Variants in DTD1 observed in about 807,000 individuals in gnomAD.
DTD1 encodes D-aminoacyl-tRNA deacylase 1, also known as D-tyrosyl-tRNA deacylase 1 homolog.
A neutral mutation model predicts 25.6 loss-of-function variants in DTD1; 13 were observed. The observed-to-expected ratio is 0.51, with a 90% confidence interval of 0.33 to 0.81. The LOEUF is 0.81. Ranked by LOEUF, DTD1 falls within the 30% of genes least tolerant of loss-of-function variation. The pLI is 0.02. For missense variants in DTD1, 193 were observed against 266.4 expected (o/e 0.72, Z 1.92); for synonymous variants, 110 against 103.6 (o/e 1.06, Z -0.37).
rs2060835709 is a variant in DTD1, at chr20:18,643,019, G to A, written c.477+14786G>A. On this transcript the variant is annotated intron_variant, in intron 4 of 5. Transcript: ENST00000377452. The stretch of plus-strand genomic sequence containing the variant: ...CAACCTCTGCCTCTTGGGTTCAAGA[G>A]ATTCTCCCGCCTCAGCCTCCCCAGT... 3 of 157,746 alleles carry A rather than the reference G, an allele frequency of 1.9e-5. No individual in the cohort carries two copies. The South Asian group carries it at 5.3e-4, about 28-fold the overall frequency. 9.8% of individuals were successfully genotyped at this position (157,746 alleles called of 1,614,324 possible).
At chr20:18,665,386 C>G (rs762892578) in intron 4 of DTD1, among the ~76,000 whole-genome samples, 5 of 152,242 alleles carry the variant, frequency 3.3e-5, no homozygotes, top group Non-Finnish European at 1.5e-5. Flanking sequence ...CTGGGATCAG[C>G]CCCGGCTCTG....
intron 4 of DTD1, among the ~76,000 whole-genome samples, chr20:18,629,295 C>CATTT (rs1568651799): frequency 1.4e-5 from 1 of 69,870 alleles, no homozygotes; most frequent in African/African-American, 4.4e-5. Flanking sequence ...CTGTGCTCGG[C>CATTT]CTTTTTTTTT....
chr20:18,683,211 G>C (rs115658933), intron 4 of DTD1, among the ~76,000 whole-genome samples: 9 of 152,280 alleles, frequency 5.9e-5, no homozygotes, highest in African/African-American at 2.2e-4. Context: ...AGCTTTTCAG[G>C]TGGTTCCAAA....
At chr20:18,708,443 C>T (rs2061144841) in intron 4 of DTD1, among the ~76,000 whole-genome samples, 2 of 142,878 alleles carry the variant, frequency 1.4e-5, no homozygotes, top group South Asian at 4.4e-4. Flanking sequence ...GCAACCTTCA[C>T]CTCCCTGGTT....
intron 4 of DTD1, among the ~76,000 whole-genome samples, chr20:18,646,520 A>G (rs547166589): frequency 1.4e-4 from 22 of 152,334 alleles, no homozygotes; most frequent in Middle Eastern, 3.4e-3. Flanking sequence ...GGAGTAGCCT[A>G]AAGCAGGTCT....
intron 4 of DTD1, among the ~76,000 whole-genome samples, chr20:18,729,690 A>G (rs2061233824): frequency 6.6e-6 from 1 of 152,244 alleles, no homozygotes; most frequent in Admixed American, 6.5e-5. Flanking sequence ...GATAGCTGAA[A>G]AGGAGTATCT....
intron 4 of DTD1, among the ~76,000 whole-genome samples, chr20:18,713,561 A>G (rs996934844): frequency 6.6e-6 from 1 of 152,100 alleles, no homozygotes; most frequent in Non-Finnish European, 1.5e-5. Flanking sequence ...GTGCACAGAA[A>G]AGGATTTGGA....
In DTD1 at chr20:18,765,003, A is replaced by G. The variant is rs2061375533; in HGVS notation, c.*1663A>G. The G allele has an allele frequency of 1.3e-5, 2 of 152,242 alleles. No homozygotes were observed. The highest frequency in any genetic ancestry group is 1.3e-4 in the Admixed American group (2 of 15,286). The allele number at this position is 152,242 out of a possible 1,614,324, so 9.4% of individuals were successfully genotyped here. Reference sequence around the variant, plus strand: ...CAGCCTGTCCTTGTAGTAAGGGGTAACGAGGATTGCATAGAGATACGACCT... The same window carrying G: ...CAGCCTGTCCTTGTAGTAAGGGGTAGCGAGGATTGCATAGAGATACGACCT... On this transcript the variant is annotated 3_prime_UTR_variant, in exon 6 of 6. Transcript: ENST00000377452.
intron 4 of DTD1, among the ~76,000 whole-genome samples, chr20:18,659,343 T>G (rs1371835659): frequency 6.6e-6 from 1 of 152,124 alleles, no homozygotes; most frequent in East Asian, 1.9e-4. Context: ...GGAAGGGGAC[T>G]CTCCCATTCT....
chr20:18,703,489 T>C (rs1040499557), intron 4 of DTD1, among the ~76,000 whole-genome samples: 1 of 152,128 alleles, frequency 6.6e-6, no homozygotes, highest in Non-Finnish European at 1.5e-5. Context: ...TATTTTTCTC[T>C]TCTCTCTTTC....
chr20:18,638,109 G>T (rs754065379), intron 4 of DTD1, among the ~76,000 whole-genome samples: 1 of 151,954 alleles, frequency 6.6e-6, no homozygotes, highest in South Asian at 2.1e-4. Flanking sequence ...ATGCTCATTT[G>T]TTTGTTTGCT....
chr20:18,731,921 C>T (rs529412087), intron 4 of DTD1, among the ~76,000 whole-genome samples: 98 of 152,272 alleles, frequency 6.4e-4, no homozygotes, highest in Middle Eastern at 3.4e-3. Context: ...GCTCCCAGGC[C>T]TTCGCTCCAG....
intron 3 of DTD1, among the ~76,000 whole-genome samples, chr20:18,601,366 G>T (rs1211405915): frequency 6.6e-6 from 1 of 152,026 alleles, no homozygotes; most frequent in Non-Finnish European, 1.5e-5. Context: ...AGGTGTGGTA[G>T]CACGCACCTG....
intron 4 of DTD1, among the ~76,000 whole-genome samples, chr20:18,678,238 T>TG (rs1466977004): frequency 6.6e-6 from 1 of 152,218 alleles, no homozygotes; most frequent in African/African-American, 2.4e-5. Context: ...CCTGGGGCCA[T>TG]GGGGCCACCT....
At chr20:18,588,168 G>C (rs2060573524) in intron 1 of DTD1, 53 bp downstream of exon 1, 2 of 1,227,724 alleles carry the variant, frequency 1.6e-6, no homozygotes, top group African/African-American at 3.1e-5. Context: ...CCCCGCGACC[G>C]GCTGTCTTGC....
At chr20:18,740,958 A>G (rs1427302809) in intron 4 of DTD1, among the ~76,000 whole-genome samples, 1 of 152,236 alleles carries the variant, frequency 6.6e-6, no homozygotes, top group African/African-American at 2.4e-5. Context: ...TGGAAAAGTA[A>G]TACTACAAAG....
chr20:18,664,630 T>A (rs1169571120), intron 4 of DTD1, among the ~76,000 whole-genome samples: 1 of 152,218 alleles, frequency 6.6e-6, no homozygotes, highest in Non-Finnish European at 1.5e-5. Flanking sequence ...AGGAACTCAG[T>A]TGAAGCTGTG....
intron 4 of DTD1, among the ~76,000 whole-genome samples, chr20:18,666,444 G>A (rs2060931618): frequency 6.6e-6 from 1 of 152,172 alleles, no homozygotes; most frequent in Admixed American, 6.5e-5. Context: ...CCCATCTCCT[G>A]AAGTTATCTA....
At chr20:18,589,496 G>T (rs2060580616) in intron 1 of DTD1, among the ~76,000 whole-genome samples, 1 of 152,190 alleles carries the variant, frequency 6.6e-6, no homozygotes, top group African/African-American at 2.4e-5. Context: ...TGATTTCTAA[G>T]CTGTTCTGGT....
Sources: gnomAD v4.1 joint callset for allele counts (sites outside exome capture counted in the v4.1 genomes callset) on GRCh38, gnomAD v4.1.1 for gene constraint, MANE v1.5 for transcripts, NCBI Gene and HGNC (gene_info 2026-07-23, HGNC 2026-07-21) for gene names.